Variants in RBPJ observed in about 807,000 individuals in gnomAD.
RBPJ encodes the protein recombining binding protein suppressor of hairless.
A neutral mutation model predicts 67.8 loss-of-function variants in RBPJ; 9 were observed. That is an observed-to-expected ratio of 0.13 (90% CI 0.08 to 0.23). The LOEUF is 0.23. RBPJ is among the 10% of genes least tolerant of loss of function. The probability of loss-of-function intolerance (pLI) is 1.00; values close to 1 mark genes in which losing one functional copy is unlikely to be tolerated. For synonymous variants in RBPJ, 198 were observed against 203.3 expected, an observed-to-expected ratio of 0.97 and a Z score of 0.22; for missense variants, 305 against 595.6, an observed-to-expected ratio of 0.51 and a Z score of 5.08.
chr4:26,122,655 C>G, the RBPJ span, among the ~76,000 whole-genome samples: 1 of 151,858 alleles, frequency 6.6e-6, no homozygotes, highest in East Asian at 1.9e-4. Context: ...TATAGAGAAA[C>G]ATAAGGAAGG....
chr4:26,275,977 C>A (rs1170550429), intron 1 of RBPJ, among the ~76,000 whole-genome samples: 1 of 150,344 alleles, frequency 6.7e-6, no homozygotes, highest in African/African-American at 2.4e-5. Flanking sequence ...ATGCTAACAG[C>A]TTTAAAGCTA....
the RBPJ span, among the ~76,000 whole-genome samples, chr4:26,124,190 A>G: frequency 6.6e-6 from 1 of 151,560 alleles, no homozygotes; most frequent in Admixed American, 6.6e-5. Flanking sequence ...GTAGTCTTTT[A>G]TACCTCACCC....
At chr4:26,394,150 C>T (rs1157995852) in intron 2 of RBPJ, among the ~76,000 whole-genome samples, 1 of 151,920 alleles carries the variant, frequency 6.6e-6, no homozygotes, top group East Asian at 1.9e-4. Flanking sequence ...CCTCAGCCTC[C>T]GGAGTAGCTG....
intron 2 of RBPJ, among the ~76,000 whole-genome samples, chr4:26,399,870 G>C (rs995745157): frequency 6.6e-6 from 1 of 151,814 alleles, no homozygotes; most frequent in South Asian, 2.1e-4. Flanking sequence ...GTAGAGATGG[G>C]GTTTCACTAT....
chr4:26,301,990 G>A (rs779089528), intron 1 of RBPJ, among the ~76,000 whole-genome samples: 3 of 151,948 alleles, frequency 2.0e-5, no homozygotes, highest in South Asian at 2.1e-4. Context: ...ATGGGGTTTC[G>A]CCATGTTGGC....
chr4:26,134,149 G>C, the RBPJ span, among the ~76,000 whole-genome samples: 1 of 152,114 alleles, frequency 6.6e-6, no homozygotes, highest in African/African-American at 2.4e-5. Flanking sequence ...CTACTATTTA[G>C]AGGGTTTAAA....
intron 1 of RBPJ, among the ~76,000 whole-genome samples, chr4:26,259,911 T>G (rs1259767116): frequency 6.6e-6 from 1 of 152,234 alleles, no homozygotes; most frequent in Non-Finnish European, 1.5e-5. Context: ...CACAAACTTT[T>G]CATGAAGCAT....
Position 26,430,683 on chromosome 4 carries a change from C to T in RBPJ, c.1149-9C>T. On this transcript the variant is annotated splice_polypyrimidine_tract_variant and intron_variant, in intron 10 of 10. Coordinates refer to ENST00000355476, the MANE Select transcript of RBPJ (RefSeq NM_015874.6). This position sits in a 1 kb window ranked among gnomAD's most constrained non-coding sequence, Gnocchi z 4.1. Reference sequence around the variant, plus strand: ...AAGTGTTTTTAAGTGATTTCTATTTCCTCCTCAGGTGTGGAGAGAGTATGC... The same window carrying T: ...AAGTGTTTTTAAGTGATTTCTATTTTCTCCTCAGGTGTGGAGAGAGTATGC... The T allele has an allele frequency of 6.2e-7, 1 of 1,610,354 alleles. No homozygotes were observed. The highest frequency in any genetic ancestry group is 8.5e-7 in the Non-Finnish European group (1 of 1,177,660).
chr4:26,254,976 A>C (rs1230220100), intron 1 of RBPJ, among the ~76,000 whole-genome samples: 6 of 134,734 alleles, frequency 4.5e-5, no homozygotes, highest in African/African-American at 1.8e-4. Context: ...TGCTGGGATT[A>C]CAGGCATGAA....
chr4:26,384,658 A>G (rs1730629496), intron 1 of RBPJ: 1 of 152,220 alleles, frequency 6.6e-6, no homozygotes, highest in Non-Finnish European at 1.5e-5. Context: ...ATTTATCTCT[A>G]TTAAAATCGT....
chr4:26,260,094 G>C (rs1022662131), intron 1 of RBPJ, among the ~76,000 whole-genome samples: 1 of 152,092 alleles, frequency 6.6e-6, no homozygotes, highest in Admixed American at 6.6e-5. Context: ...GTTAATTTTG[G>C]AGCAAAACAG....
At chr4:26,337,856 T>G (rs967576986) in intron 1 of RBPJ, among the ~76,000 whole-genome samples, 1 of 151,830 alleles carries the variant, frequency 6.6e-6, no homozygotes, top group African/African-American at 2.4e-5. Flanking sequence ...TTGGCTAATT[T>G]TTAAGTTTTT....
At chr4:26,197,730 CTGA>C (rs1417806943) in intron 1 of RBPJ, among the ~76,000 whole-genome samples, 1 of 152,006 alleles carries the variant, frequency 6.6e-6, no homozygotes, top group Non-Finnish European at 1.5e-5. Context: ...GCCTCCTCTG[CTGA>C]TGTGTATGGG....
chr4:26,279,891 A>G (rs9996988), intron 1 of RBPJ, among the ~76,000 whole-genome samples: 67,491 of 150,020 alleles, frequency 0.45, 15,367 homozygotes, highest in African/African-American at 0.51. Flanking sequence ...GGGCTCAACC[A>G]ATCCTCCCAT....
intron 1 of RBPJ, among the ~76,000 whole-genome samples, chr4:26,375,666 G>A (rs947484467): frequency 2.0e-5 from 3 of 152,270 alleles, no homozygotes; most frequent in Non-Finnish European, 2.9e-5. Flanking sequence ...ACTGTGTGAC[G>A]TCTTCTATGT....
At chr4:26,310,733 G>T (rs967422448) in intron 1 of RBPJ, among the ~76,000 whole-genome samples, 1 of 146,388 alleles carries the variant, frequency 6.8e-6, no homozygotes, top group Non-Finnish European at 1.5e-5. Flanking sequence ...GCAATGGCAC[G>T]ATCTTGGCTC....
intron 1 of RBPJ, among the ~76,000 whole-genome samples, chr4:26,163,806 T>A (rs1314339123): frequency 6.6e-6 from 1 of 152,262 alleles, no homozygotes; most frequent in Non-Finnish European, 1.5e-5. Flanking sequence ...TTCTTTCTGA[T>A]AAGGCCTTAG....
At chr4:26,363,677 G>T (rs1298290963) in intron 1 of RBPJ, among the ~76,000 whole-genome samples, 3 of 152,186 alleles carry the variant, frequency 2.0e-5, no homozygotes, top group Non-Finnish European at 4.4e-5. Context: ...GACCTCAGGT[G>T]ATCTGCCTGC....
chr4:26,117,598 G>A, the RBPJ span, among the ~76,000 whole-genome samples: 3 of 152,076 alleles, frequency 2.0e-5, no homozygotes, highest in Admixed American at 6.6e-5. Context: ...ATTCTGAAAG[G>A]GCAGTGTAGC....
Sources: allele counts gnomAD v4.1 joint callset (sites outside exome capture counted in the v4.1 genomes callset), GRCh38; gene constraint gnomAD v4.1.1; non-coding constraint Gnocchi (gnomAD v3.1); transcripts MANE v1.5; gene names NCBI Gene and HGNC (gene_info 2026-07-23, HGNC 2026-07-21).